KIAA1755: variants seen among roughly 807,000 people sequenced by gnomAD.
The protein encoded by KIAA1755 is uncharacterized protein KIAA1755.
Under a neutral mutation model 91.7 loss-of-function variants are expected in KIAA1755, and 68 were observed. The observed-to-expected ratio is 0.74, with a 90% CI of 0.61 to 0.91. The LOEUF is 0.91. KIAA1755 is among the 40% of genes least tolerant of loss of function. The pLI, the probability that KIAA1755 is intolerant of heterozygous loss-of-function variation, is 0.00. For missense variants in KIAA1755, 1,535 were observed against 1,494.4 expected, an observed-to-expected ratio of 1.03 and a Z score of -0.45; for synonymous variants, 610 against 604.6, an observed-to-expected ratio of 1.01 and a Z score of -0.13.
At chr20:38,250,096 T>A (rs1437383365) in intron 1 of KIAA1755, among the ~76,000 whole-genome samples, 6 of 152,242 alleles carry the variant, frequency 3.9e-5, no homozygotes, top group African/African-American at 1.4e-4. Flanking sequence ...ATGTTTAGCA[T>A]CTCCTCATAC....
At position 38,257,238 on chromosome 20, in the gene KIAA1755, T is replaced by G. The variant is rs184466750; in HGVS notation, c.3+3260A>C. Among the ~76,000 whole-genome samples the G allele has an allele frequency of 3.3e-4, 50 of 152,180 alleles. No individual in the cohort carries two copies. The Middle Eastern group carries it at 0.021, about 63-fold the overall frequency. On this transcript the variant is annotated intron_variant, in intron 1 of 13. Coordinates refer to ENST00000279024, the MANE Select transcript of KIAA1755 (RefSeq NM_001029864.2). ...GAGGGCCTGGCACACAGTAGGGAAC[T>G]GGGGTGGGGTACTGCCATGCAGCAG...
rs556803461 is a variant in KIAA1755 at position 38,213,659 on chromosome 20, G to A, written c.2986C>T (p.Arg996Cys). The A allele has an allele frequency of 1.2e-5, 19 of 1,605,364 alleles. No homozygotes were observed. In the South Asian group the frequency reaches 1.3e-4, roughly 11 times the overall value. The stretch of plus-strand genomic sequence containing the variant: ...CGCTGCAGGTAGCGGTGGAGGCGGC[G>A]CTGGTCCCCAGGACTGACCCTTGAG... ...KTSRVSPGDQ[R>C]RLHRYLQRLA... is the part of the protein sequence containing the mutation. The change falls in exon 14 of 14, where the codon CGC becomes TGC. Residue 996 changes from arginine (R) to cysteine (C), a missense_variant. Coordinates refer to ENST00000279024, the MANE Select transcript of KIAA1755 (RefSeq NM_001029864.2).
intron 10 of KIAA1755, among the ~76,000 whole-genome samples, chr20:38,222,212 A>G (rs2075671252): frequency 6.6e-6 from 1 of 152,260 alleles, no homozygotes; most frequent in South Asian, 2.1e-4. Flanking sequence ...TGCCCATCCC[A>G]GGCTCAAGAT....
chr20:38,230,657 G>A (rs1600601452), intron 5 of KIAA1755, among the ~76,000 whole-genome samples: 1 of 152,184 alleles, frequency 6.6e-6, no homozygotes, highest in South Asian at 2.1e-4. Context: ...GGGAGGCCGA[G>A]GTGGGTGGAT....
intron 1 of KIAA1755, among the ~76,000 whole-genome samples, 167 bp from the exon 2 acceptor site, chr20:38,246,293 C>T (rs928711592): frequency 1.3e-5 from 2 of 152,210 alleles, no homozygotes; most frequent in Non-Finnish European, 2.9e-5. Flanking sequence ...GGCCTTCTTT[C>T]CTGTCCCTCA....
rs1343501167 is a variant in KIAA1755, at chr20:38,241,835, A to G, written c.296T>C (p.Leu99Ser). Residue 99 changes from leucine (L) to serine (S), a missense_variant, in exon 3 of 14, where the codon TTA becomes TCA. Transcript: ENST00000279024. ...GAGGTAGAAGTCACCCTGGCGCAATAAGAGAGGGTTGAGGGGTGCCAAGTG... is the reference window on the plus strand; with the variant it reads ...GAGGTAGAAGTCACCCTGGCGCAATGAGAGAGGGTTGAGGGGTGCCAAGTG... ...VVHLAPLNPL[L>S]LRQGDFYLQV... The G allele has an allele frequency of 1.9e-6, 3 of 1,614,152 alleles. No individual in the cohort carries two copies. Among genetic ancestry groups the G allele is most frequent in the Non-Finnish European group, 2.5e-6 (3 of 1,180,010 alleles).
At chr20:38,223,040 C>T in intron 9 of KIAA1755, 1 of 269,158 alleles carries the variant, frequency 3.7e-6, no homozygotes, top group Admixed American at 5.1e-5. Flanking sequence ...CTTTCCCACT[C>T]ATTCTGCTCC....
At position 38,218,372 on chromosome 20, in the gene KIAA1755, G is replaced by A. The variant is rs756005330; in HGVS notation, c.2557-6C>T. On this transcript the variant is annotated splice_region_variant and splice_polypyrimidine_tract_variant and intron_variant, in intron 11 of 13. Coordinates refer to ENST00000279024, the MANE Select transcript of KIAA1755 (RefSeq NM_001029864.2). ...TGCTCCATCCAGTCGCTGACCTGGG[G>A]CAGGAGAGGCAGATTTGGACATGAG... The A allele has an allele frequency of 1.2e-6, 2 of 1,613,952 alleles. No individual in the cohort carries two copies. The highest frequency in any genetic ancestry group is 1.7e-6 in the Non-Finnish European group (2 of 1,179,978).
rs1345254380 is a variant in KIAA1755 at position 38,217,486 on chromosome 20, G to T, written c.2680-12C>A. 1.9e-6 allele frequency: 3 copies of T among 1,581,942 alleles called. No homozygotes were observed. Among genetic ancestry groups the T allele is most frequent in the Non-Finnish European group, 2.6e-6 (3 of 1,161,940 alleles). On this transcript the variant is annotated splice_polypyrimidine_tract_variant and intron_variant, in intron 12 of 13. Transcript: ENST00000279024. ...CGGCGGTACTGGGCCTGAGAGGGGA[G>T]AGGAGGGGGCGCCCACTCAGCACCC...
chr20:38,234,290 C>T (rs1223742947), intron 4 of KIAA1755, among the ~76,000 whole-genome samples: 2 of 152,164 alleles, frequency 1.3e-5, no homozygotes, highest in Non-Finnish European at 2.9e-5. Context: ...TCCCCCTCAT[C>T]GCTCAAAGAC....
chr20:38,218,113 G>T, intron 12 of KIAA1755, 131 bp downstream of exon 12: 1 of 1,171,442 alleles, frequency 8.5e-7, no homozygotes, highest in Non-Finnish European at 1.2e-6. Flanking sequence ...TGCAATCCAA[G>T]CTGGTTCCCT....
At chr20:38,248,826 G>A (rs868348242) in intron 1 of KIAA1755, among the ~76,000 whole-genome samples, 1 of 151,610 alleles carries the variant, frequency 6.6e-6, no homozygotes, top group Non-Finnish European at 1.5e-5. Flanking sequence ...AGCCCGAGTA[G>A]CTGGAATTAC....
At position 38,241,338 on chromosome 20, in the gene KIAA1755, C is replaced by G; in HGVS notation, c.793G>C (p.Glu265Gln). ...CCCTCGAAGTCCTGGCTGACCACCT[C>G]GTCCATCCTGAAAGCCACCTCCCCA... Reference protein sequence around the residue: ...RCGEVAFRMDEVVSQDFEGDY... With the variant: ...RCGEVAFRMDQVVSQDFEGDY... Residue 265 changes from glutamate (E) to glutamine (Q), a missense_variant, in exon 3 of 14, where the codon GAG (glutamate) becomes CAG (glutamine). Glu to Gln is a conservative substitution (Grantham distance 29). Transcript: ENST00000279024. The G allele has an allele frequency of 6.2e-7, 1 of 1,614,204 alleles. No individual in the cohort carries two copies. Among genetic ancestry groups the G allele is most frequent in the Non-Finnish European group, 8.5e-7 (1 of 1,180,036 alleles).
intron 1 of KIAA1755, chr20:38,260,173 G>A (rs2076421136): frequency 2.2e-6 from 3 of 1,383,506 alleles, no homozygotes; most frequent in African/African-American, 2.9e-5. Flanking sequence ...AAACAAACAT[G>A]CAAAACCACC....
intron 2 of KIAA1755, among the ~76,000 whole-genome samples, chr20:38,245,415 T>TGG (rs1318685523): frequency 2.6e-5 from 4 of 152,234 alleles, no homozygotes; most frequent in Non-Finnish European, 5.9e-5. Context: ...GAGTGAGGAT[T>TGG]CTGTCATTTG....
chr20:38,220,297 CTTTTTTTTT>C (rs35575614), intron 10 of KIAA1755, among the ~76,000 whole-genome samples: 1 of 134,400 alleles, frequency 7.4e-6, no homozygotes, highest in Non-Finnish European at 1.6e-5. Flanking sequence ...TGATGTTTCC[CTTTTTTTTT>C]TTTTTTTTTT....
intron 13 of KIAA1755, among the ~76,000 whole-genome samples, chr20:38,216,608 T>A (rs1006362815): frequency 6.6e-6 from 1 of 152,010 alleles, no homozygotes; most frequent in Non-Finnish European, 1.5e-5. Context: ...TTCCCATAAT[T>A]TTTTTTTAAA....
intron 4 of KIAA1755, among the ~76,000 whole-genome samples, chr20:38,234,149 G>A (rs370861901): frequency 3.9e-5 from 6 of 152,154 alleles, no homozygotes; most frequent in East Asian, 1.9e-4. Context: ...AGCCACCCAC[G>A]TTATGGCAGT....
intron 13 of KIAA1755, among the ~76,000 whole-genome samples, chr20:38,215,644 G>A (rs538074555): frequency 8.5e-5 from 13 of 152,290 alleles, no homozygotes; most frequent in East Asian, 3.9e-4. Context: ...GCCGGTCAAC[G>A]GGAAGAGCTT....
Sources: allele counts gnomAD v4.1 joint callset (sites outside exome capture counted in the v4.1 genomes callset), GRCh38; gene constraint gnomAD v4.1.1; transcripts MANE v1.5; gene names NCBI Gene and HGNC (gene_info 2026-07-23, HGNC 2026-07-21).